The following FSTL5 variants were observed in gnomAD, a reference collection of about 807,000 sequenced individuals.
FSTL5 encodes the protein follistatin like 5.
Under a neutral mutation model 89.1 loss-of-function variants are expected in FSTL5, and 62 were observed. The ratio of observed to expected loss-of-function variants is 0.70; its 90% CI spans 0.57 to 0.86. The LOEUF is 0.86. Ranked by LOEUF, FSTL5 falls within the 40% of genes least tolerant of loss-of-function variation. The pLI is 0.00. For missense variants in FSTL5, 1,057 were observed against 1,001.6 expected, an observed-to-expected ratio of 1.06 and a Z score of -0.75; for synonymous variants, 383 against 346.2, an observed-to-expected ratio of 1.11 and a Z score of -1.18.
Position 162,143,785 on chromosome 4 carries a change from TACACACACACACACAC to T in FSTL5, c.-17+19814_-17+19829del, listed in dbSNP as rs70946245. Among the ~76,000 whole-genome samples, 14 of 138,554 alleles carry T rather than the reference TACACACACACACACAC, an allele frequency of 1.0e-4. 1 individual carries two copies. The highest frequency in any genetic ancestry group is 2.8e-4 in the Admixed American group (4 of 14,078). 90.9% of individuals were successfully genotyped at this position (138,554 alleles called of 152,430 possible). On this transcript the variant is annotated intron_variant, in intron 1 of 15. Coordinates refer to ENST00000306100, the MANE Select transcript of FSTL5 (RefSeq NM_020116.5). The stretch of plus-strand genomic sequence containing the variant: ...AGGTTACATTGTATCTGACTTTAAA[TACACACACACACACAC>T]ACACACACACACACACACATACAAA...
At chr4:161,667,042 TACTACAGACAAA>T (rs1352158750) in intron 6 of FSTL5, among the ~76,000 whole-genome samples, 1 of 152,096 alleles carries the variant, frequency 6.6e-6, no homozygotes, top group Non-Finnish European at 1.5e-5. Context: ...GACAGTACAA[TACTACAGACAAA>T]ACTATATTTT....
intron 12 of FSTL5, among the ~76,000 whole-genome samples, chr4:161,484,389 A>G (rs1452437284): frequency 6.6e-6 from 1 of 151,954 alleles, no homozygotes; most frequent in Non-Finnish European, 1.5e-5. Context: ...TGTGTCCACT[A>G]CTCCTTACTT....
At chr4:161,766,586 G>C (rs184033114) in intron 5 of FSTL5, among the ~76,000 whole-genome samples, 1 of 152,002 alleles carries the variant, frequency 6.6e-6, no homozygotes, top group Non-Finnish European at 1.5e-5. Flanking sequence ...TTGTGTCTTC[G>C]GGAAATCCTG....
intron 15 of FSTL5, among the ~76,000 whole-genome samples, chr4:161,418,109 A>T (rs1731850166): frequency 6.6e-6 from 1 of 152,122 alleles, no homozygotes; most frequent in Non-Finnish European, 1.5e-5. Flanking sequence ...CCTGCAGCCC[A>T]ATGATGCGTA....
intron 4 of FSTL5, among the ~76,000 whole-genome samples, chr4:161,847,644 T>C (rs932260731): frequency 6.6e-6 from 1 of 152,172 alleles, no homozygotes; most frequent in Non-Finnish European, 1.5e-5. Context: ...GGAGTTCTAA[T>C]AAACAATAAA....
intron 6 of FSTL5, among the ~76,000 whole-genome samples, chr4:161,705,976 A>G (rs1285822229): frequency 3.4e-5 from 3 of 88,212 alleles, no homozygotes; most frequent in Admixed American, 1.1e-4. Flanking sequence ...ATATATATAT[A>G]TATATATATA....
chr4:161,901,344 C>T (rs1733357499), intron 4 of FSTL5, among the ~76,000 whole-genome samples: 1 of 152,124 alleles, frequency 6.6e-6, no homozygotes, highest in Non-Finnish European at 1.5e-5. Context: ...AGACAGCACA[C>T]AGGGCCTCAG....
intron 12 of FSTL5, among the ~76,000 whole-genome samples, chr4:161,498,692 A>G (rs1184687639): frequency 6.6e-6 from 1 of 152,178 alleles, no homozygotes; most frequent in Non-Finnish European, 1.5e-5. Flanking sequence ...GATTTAAATA[A>G]TAATATTTGT....
intron 7 of FSTL5, among the ~76,000 whole-genome samples, chr4:161,629,865 T>C (rs922309349): frequency 5.1e-4 from 77 of 152,314 alleles, no homozygotes; most frequent in African/African-American, 1.7e-3. Flanking sequence ...AGGGGAAAGC[T>C]ATCCCCTGAA....
intron 1 of FSTL5, among the ~76,000 whole-genome samples, chr4:162,135,778 G>A (rs932531819): frequency 4.6e-5 from 7 of 151,974 alleles, no homozygotes; most frequent in African/African-American, 1.7e-4. Context: ...ATATTTTGTT[G>A]AATAAATGAT....
intron 9 of FSTL5, among the ~76,000 whole-genome samples, chr4:161,538,628 A>G (rs531775985): frequency 1.3e-5 from 2 of 152,306 alleles, no homozygotes; most frequent in East Asian, 3.9e-4. Context: ...TTCAGAACCT[A>G]CATTCCCCTA....
intron 2 of FSTL5, among the ~76,000 whole-genome samples, chr4:162,054,335 T>C (rs1738471860): frequency 6.6e-6 from 1 of 151,796 alleles, no homozygotes. Context: ...CACTTCACTT[T>C]ATGATGAAAC....
intron 6 of FSTL5, among the ~76,000 whole-genome samples, chr4:161,720,434 C>T (rs1034151969): frequency 6.6e-6 from 1 of 151,900 alleles, no homozygotes; most frequent in African/African-American, 2.4e-5. Context: ...TCGGTGTAGT[C>T]ACTAGGAAAA....
Position 161,848,146 on chromosome 4 carries a change from C to A in FSTL5, c.410-72072G>T, listed in dbSNP as rs544767318. On this transcript the variant is annotated intron_variant, in intron 4 of 15. Coordinates refer to ENST00000306100, the MANE Select transcript of FSTL5 (RefSeq NM_020116.5). ...AATCGTCTGCAGCATTGCAAACTTACAGTAATTTCAGAATACTAAAATGAC... is the reference window on the plus strand; with the variant it reads ...AATCGTCTGCAGCATTGCAAACTTAAAGTAATTTCAGAATACTAAAATGAC... Among the ~76,000 whole-genome samples the A allele has an allele frequency of 1.8e-4, 27 of 149,488 alleles. No homozygotes were observed. In the South Asian group the frequency reaches 5.8e-3, roughly 32 times the overall value.
At chr4:162,102,483 A>T (rs1209331567) in intron 2 of FSTL5, among the ~76,000 whole-genome samples, 1 of 150,258 alleles carries the variant, frequency 6.7e-6, no homozygotes, top group Non-Finnish European at 1.5e-5. Context: ...CCTTTGGCAC[A>T]TATGATGTTT....
chr4:161,813,440 C>T (rs1730229338), intron 4 of FSTL5, among the ~76,000 whole-genome samples: 1 of 152,056 alleles, frequency 6.6e-6, no homozygotes, highest in Non-Finnish European at 1.5e-5. Flanking sequence ...GGGCGGGGAG[C>T]ATGTTGTAGT....
Position 161,471,477 on chromosome 4 carries a change from C to T in FSTL5, c.1608+9543G>A, listed in dbSNP as rs552102938. Among the ~76,000 whole-genome samples, 507 of 152,284 alleles carry T rather than the reference C, an allele frequency of 3.3e-3. 2 individuals carry two copies. The highest frequency in any genetic ancestry group is 6.3e-3 in the Admixed American group (97 of 15,296). ...GCTAATATTTAGTTGTGTATTTTTACATCAGTGTTCATAAGGCATCTTGAG... is the reference window on the plus strand; with the variant it reads ...GCTAATATTTAGTTGTGTATTTTTATATCAGTGTTCATAAGGCATCTTGAG... On this transcript the variant is annotated intron_variant, in intron 13 of 15. Transcript: ENST00000306100.
intron 15 of FSTL5, among the ~76,000 whole-genome samples, chr4:161,413,469 T>A (rs1459022642): frequency 6.6e-6 from 1 of 152,118 alleles, no homozygotes; most frequent in South Asian, 2.1e-4. Context: ...TTATACACTT[T>A]TTATGGGAAT....
chr4:162,151,585 C>T (rs1733227146), intron 1 of FSTL5, among the ~76,000 whole-genome samples: 1 of 152,132 alleles, frequency 6.6e-6, no homozygotes, highest in Admixed American at 6.6e-5. Flanking sequence ...CTCTTGTATA[C>T]TTGGCATCTT....
Sources: gnomAD v4.1 joint callset for allele counts (sites outside exome capture counted in the v4.1 genomes callset) on GRCh38, gnomAD v4.1.1 for gene constraint, MANE v1.5 for transcripts, NCBI Gene and HGNC (gene_info 2026-07-23, HGNC 2026-07-21) for gene names.